PARM1: variants seen among roughly 807,000 people sequenced by gnomAD.
PARM1 encodes WSC4, cell wall integrity and stress response component 4 homolog.
PARM1 carries 14 observed loss-of-function variants against 24.6 expected under a neutral mutation model. The ratio of observed to expected loss-of-function variants is 0.57; its 90% CI spans 0.38 to 0.89. The LOEUF is 0.89. Among genes scored for constraint, PARM1 ranks in the 40% least tolerant of loss-of-function variants. The pLI is 0.00. For missense variants in PARM1, 362 were observed against 380.4 expected, an observed-to-expected ratio of 0.95 and a Z score of 0.40; for synonymous variants, 179 against 156.6, an observed-to-expected ratio of 1.14 and a Z score of -1.07.
At chr4:74,959,361 C>T (rs1721714787) in intron 1 of PARM1, among the ~76,000 whole-genome samples, 1 of 152,290 alleles carries the variant, frequency 6.6e-6, no homozygotes, top group South Asian at 2.1e-4. Flanking sequence ...GCTCTTCTGG[C>T]ATCCTAAGCA....
chr4:75,031,184 T>C (rs942187785), intron 2 of PARM1, among the ~76,000 whole-genome samples: 6 of 152,230 alleles, frequency 3.9e-5, no homozygotes, highest in African/African-American at 7.2e-5. Context: ...TTTCTGCTTT[T>C]GGAGGACTCT....
chr4:75,042,806 T>A (rs1253478468), intron 3 of PARM1, among the ~76,000 whole-genome samples: 1 of 152,146 alleles, frequency 6.6e-6, no homozygotes, highest in Non-Finnish European at 1.5e-5. Context: ...GTACACCCAA[T>A]TTTTCCTGTT....
At chr4:75,024,336 C>A (rs1216298193) in intron 2 of PARM1, among the ~76,000 whole-genome samples, 3 of 151,902 alleles carry the variant, frequency 2.0e-5, no homozygotes, top group African/African-American at 7.3e-5. Flanking sequence ...GCTAGTGGTT[C>A]CTAGGAGGTC....
intron 3 of PARM1, among the ~76,000 whole-genome samples, chr4:75,035,859 AT>A (rs1048357696): frequency 6.6e-6 from 1 of 152,202 alleles, no homozygotes; most frequent in African/African-American, 2.4e-5. Flanking sequence ...TTTAAAAAAA[AT>A]ATTTCTCTTC....
intron 1 of PARM1, chr4:74,966,660 TC>T (rs1457560992): frequency 6.6e-6 from 1 of 152,222 alleles, no homozygotes; most frequent in African/African-American, 2.4e-5. Flanking sequence ...TGAAATTCAG[TC>T]AAGGAGAGGG....
At chr4:74,976,793 C>T (rs530400977) in intron 1 of PARM1, among the ~76,000 whole-genome samples, 123 of 152,308 alleles carry the variant, frequency 8.1e-4, no homozygotes, top group African/African-American at 2.9e-3. Context: ...CTGACACCTC[C>T]AGGTGCGGGA....
intron 1 of PARM1, among the ~76,000 whole-genome samples, chr4:74,979,906 A>G (rs955439875): frequency 6.6e-6 from 1 of 152,224 alleles, no homozygotes; most frequent in Non-Finnish European, 1.5e-5. Context: ...AGCCTTTGAT[A>G]AAATTCAACA....
Position 75,049,102 on chromosome 4 carries a change from G to A in PARM1, c.*2855G>A, listed in dbSNP as rs1350983487. ...CTAGTCATAACACTTTAGAGAGAAT[G>A]TCAGAGCAGGAGGGAGGCAAGCCGC... On this transcript the variant is annotated 3_prime_UTR_variant, in exon 4 of 4. Coordinates refer to ENST00000307428, the MANE Select transcript of PARM1 (RefSeq NM_015393.4). 6.6e-6 allele frequency: 1 copy of A among 152,180 alleles called. No homozygotes were observed. Among genetic ancestry groups the A allele is most frequent in the African/African-American group, 2.4e-5 (1 of 41,434 alleles). 9.4% of individuals were successfully genotyped at this position (152,180 alleles called of 1,614,324 possible).
chr4:75,029,362 A>T lies in PARM1; in HGVS notation c.770-4521A>T, dbSNP rs538490445. Among the ~76,000 whole-genome samples, 5 of 152,288 alleles carry T rather than the reference A, an allele frequency of 3.3e-5. No individual in the cohort carries two copies. The South Asian group carries it at 1.0e-3, about 32-fold the overall frequency. On this transcript the variant is annotated intron_variant, in intron 2 of 3. Transcript: ENST00000307428. ...TGGTTTGGCTGTGTGTCCCCACCCAAATCTTACCTTGAATTGTAATAATCC... is the reference window on the plus strand; with the variant it reads ...TGGTTTGGCTGTGTGTCCCCACCCATATCTTACCTTGAATTGTAATAATCC...
At chr4:75,045,037 G>A (rs1723573986) in intron 3 of PARM1, among the ~76,000 whole-genome samples, 1 of 152,188 alleles carries the variant, frequency 6.6e-6, no homozygotes, top group Non-Finnish European at 1.5e-5. Context: ...TGAGATTTGG[G>A]TGGGGACACA....
chr4:75,044,659 G>T (rs1723562999), intron 3 of PARM1, among the ~76,000 whole-genome samples: 1 of 152,104 alleles, frequency 6.6e-6, no homozygotes, highest in Non-Finnish European at 1.5e-5. Context: ...TGGGAGTCTG[G>T]GGTGGGGGTT....
chr4:74,973,210 A>C (rs1578034725), intron 1 of PARM1, among the ~76,000 whole-genome samples: 1 of 152,318 alleles, frequency 6.6e-6, no homozygotes, highest in South Asian at 2.1e-4. Context: ...TCAGTCAATG[A>C]AGTATAAAAT....
At chr4:75,043,758 A>G (rs1723544409) in intron 3 of PARM1, among the ~76,000 whole-genome samples, 1 of 152,144 alleles carries the variant, frequency 6.6e-6, no homozygotes, top group African/African-American at 2.4e-5. Context: ...GAGGTTTCAC[A>G]TTTGGGGAGA....
chr4:74,990,162 A>G (rs1426167255), intron 1 of PARM1, among the ~76,000 whole-genome samples: 1 of 152,192 alleles, frequency 6.6e-6, no homozygotes, highest in Non-Finnish European at 1.5e-5. Context: ...TAATGAAAAT[A>G]AGGATCACAG....
At chr4:75,039,774 G>T (rs1028840405) in intron 3 of PARM1, among the ~76,000 whole-genome samples, 1 of 152,098 alleles carries the variant, frequency 6.6e-6, no homozygotes, top group Admixed American at 6.6e-5. Context: ...CAGATAGATT[G>T]CCCTGTTGTT....
chr4:74,983,894 A>G lies in PARM1; in HGVS notation c.44-28531A>G, dbSNP rs960281495. ...TATTTTTAGAGATGGTGGTCTCGCT[A>G]CGTTGCCAGGCTGGACTTGAACTCC... On this transcript the variant is annotated intron_variant, in intron 1 of 3. Coordinates refer to ENST00000307428, the MANE Select transcript of PARM1 (RefSeq NM_015393.4). Among the ~76,000 whole-genome samples the G allele has an allele frequency of 2.3e-4, 35 of 152,060 alleles. 2 individuals are homozygous for G. Among genetic ancestry groups the G allele is most frequent in the African/African-American group, 2.4e-5 (1 of 41,392 alleles).
intron 1 of PARM1, chr4:74,999,104 A>C (rs1317053851): frequency 7.2e-5 from 11 of 152,284 alleles, no homozygotes; most frequent in Admixed American, 5.9e-4. Flanking sequence ...CAGAGATCCA[A>C]ACTCTGCCTC....
At chr4:75,029,128 G>T (rs889283392) in intron 2 of PARM1, among the ~76,000 whole-genome samples, 3 of 152,128 alleles carry the variant, frequency 2.0e-5, no homozygotes, top group African/African-American at 7.2e-5. Flanking sequence ...AGTGTGGGGA[G>T]AGAGACTCTT....
intron 2 of PARM1, among the ~76,000 whole-genome samples, chr4:75,026,365 A>G (rs1337630512): frequency 6.6e-6 from 1 of 152,228 alleles, no homozygotes. Context: ...TATTTCATAT[A>G]TCTATGTCTT....
Sources: gnomAD v4.1 joint callset for allele counts (sites outside exome capture counted in the v4.1 genomes callset) on GRCh38, gnomAD v4.1.1 for gene constraint, MANE v1.5 for transcripts, NCBI Gene and HGNC (gene_info 2026-07-23, HGNC 2026-07-21) for gene names.